Variants in NXN observed in about 807,000 individuals in gnomAD.
NXN encodes the protein nucleoredoxin.
In NXN, 16 loss-of-function variants were observed where a neutral mutation model predicts 48.6. The observed-to-expected ratio is 0.33, with a 90% CI of 0.22 to 0.50. NXN has a LOEUF of 0.50. NXN is among the 20% of genes least tolerant of loss of function. The probability of loss-of-function intolerance (pLI) is 0.98; values close to 1 mark genes in which losing one functional copy is unlikely to be tolerated. For synonymous variants in NXN, 281 were observed against 269.6 expected (o/e 1.04, Z -0.41); for missense variants, 492 against 605.5 (o/e 0.81, Z 1.97).
chr17:863,795 A>G, intron 1 of NXN: 4 of 673,978 alleles, frequency 5.9e-6, no homozygotes, highest in Non-Finnish European at 7.6e-6. Flanking sequence ...TCTGGTTGAA[A>G]AAAGTCCACA....
intron 1 of NXN, among the ~76,000 whole-genome samples, chr17:894,863 C>T (rs1184521878): frequency 2.0e-5 from 3 of 152,122 alleles, no homozygotes; most frequent in Admixed American, 6.5e-5. Context: ...ACTTTAAATC[C>T]ACTTGGCTTC....
intron 1 of NXN, among the ~76,000 whole-genome samples, chr17:838,293 G>A (rs374019376): frequency 5.9e-5 from 9 of 151,734 alleles, no homozygotes; most frequent in Admixed American, 2.0e-4. Context: ...CACCACACCC[G>A]GCTCATTTTC....
chr17:979,288 G>GGCAGGGGTAACGGGCGTGGGGGGCGT, intron 1 of NXN, 31 bp downstream of exon 1: 2 of 1,435,800 alleles, frequency 1.4e-6, no homozygotes, highest in Non-Finnish European at 1.8e-6. Context: ...GTGGGGGGCG[G>GGCAGGGGTAACGGGCGTGGGGGGCGT]GCAGGGGCCG....
intron 1 of NXN, among the ~76,000 whole-genome samples, chr17:967,666 C>T (rs2069322613): frequency 7.9e-5 from 12 of 152,190 alleles, no homozygotes; most frequent in Admixed American, 7.9e-4. Flanking sequence ...AGGGATACAG[C>T]TACCAAATGT....
intron 1 of NXN, among the ~76,000 whole-genome samples, chr17:944,226 C>T (rs1343976637): frequency 1.3e-5 from 2 of 152,102 alleles, no homozygotes; most frequent in African/African-American, 4.8e-5. Flanking sequence ...AAAACAAGAG[C>T]GAAACTCCAT....
At chr17:927,718 C>T (rs865974325) in intron 1 of NXN, among the ~76,000 whole-genome samples, 11 of 151,960 alleles carry the variant, frequency 7.2e-5, no homozygotes, top group Non-Finnish European at 1.5e-4. Context: ...AGGCATACTC[C>T]GTGGGAGACG....
Position 825,221 on chromosome 17 carries a change from GAAA to G in NXN, c.478+737_478+739del, listed in dbSNP as rs34471469. Among the ~76,000 whole-genome samples, 340 of 120,942 alleles carry G rather than the reference GAAA, an allele frequency of 2.8e-3. 1 individual carries two copies. Among genetic ancestry groups the G allele is most frequent in the Non-Finnish European group, 3.4e-3 (188 of 54,956 alleles). The allele number at this position is 120,942 out of a possible 152,430, so 79.3% of individuals were successfully genotyped here. ...GACAGAGGGAGATAGTGTCTCAAGA[GAAA>G]AAAAAAAAAAAAAAAGAAAAGCTTC... On this transcript the variant is annotated intron_variant, in intron 2 of 7. Transcript: ENST00000336868. The surrounding 1 kb of genome is among the most constrained non-coding windows in gnomAD (Gnocchi z 4.1).
At chr17:909,895 A>T (rs990001951) in intron 1 of NXN, 1 of 152,144 alleles carries the variant, frequency 6.6e-6, no homozygotes, top group African/African-American at 2.4e-5. Context: ...CTAACGGAAA[A>T]CAGCGCGTGA....
chr17:834,304 G>A (rs118015063), intron 1 of NXN, among the ~76,000 whole-genome samples: 3,328 of 152,248 alleles, frequency 0.022, 50 homozygotes, highest in Admixed American at 0.033. Flanking sequence ...CATGAGTGAC[G>A]GGGCAAGACC....
At chr17:903,207 T>G (rs1266071298) in intron 1 of NXN, among the ~76,000 whole-genome samples, 4 of 152,028 alleles carry the variant, frequency 2.6e-5, no homozygotes, top group Admixed American at 2.6e-4. Context: ...GTTTTTTTGT[T>G]TTTTTGTTTT....
chr17:872,610 GATC>G (rs1567842841), intron 1 of NXN, among the ~76,000 whole-genome samples: 1 of 131,030 alleles, frequency 7.6e-6, no homozygotes, highest in Non-Finnish European at 1.6e-5. Flanking sequence ...TTCCGGGTGA[GATC>G]TTTTTTTTTT....
chr17:828,263 C>G (rs761914554), intron 1 of NXN, among the ~76,000 whole-genome samples: 1 of 151,722 alleles, frequency 6.6e-6, no homozygotes, highest in African/African-American at 2.4e-5. Context: ...CCTACCACAC[C>G]CGGCTAGTTT....
chr17:864,987 TGGATCTC>T (rs1186629993), intron 1 of NXN, among the ~76,000 whole-genome samples: 3 of 152,180 alleles, frequency 2.0e-5, no homozygotes, highest in African/African-American at 7.2e-5. Context: ...GTCAGGCTCC[TGGATCTC>T]GGAACTAGAA....
intron 1 of NXN, among the ~76,000 whole-genome samples, chr17:896,021 C>A (rs2068480524): frequency 6.6e-6 from 1 of 151,788 alleles, no homozygotes; most frequent in Non-Finnish European, 1.5e-5. Context: ...CCAGCCTGGG[C>A]AACAGAGCAA....
chr17:821,730 G>A lies in NXN; in HGVS notation c.713+627C>T, dbSNP rs371085409. On this transcript the variant is annotated intron_variant, in intron 4 of 7. Coordinates refer to ENST00000336868, the MANE Select transcript of NXN (RefSeq NM_022463.5). ...CGCACCACTGCACCCCAGCCTGGGC[G>A]ACAGAGCGAGACTCCGTCTCAAAAA... Among the ~76,000 whole-genome samples, 23 of 145,610 alleles carry A rather than the reference G, an allele frequency of 1.6e-4. No homozygotes were observed. The East Asian group carries it at 3.1e-3, about 20-fold the overall frequency.
At chr17:947,531 G>A (rs1413364725) in intron 1 of NXN, among the ~76,000 whole-genome samples, 1 of 151,570 alleles carries the variant, frequency 6.6e-6, no homozygotes, top group African/African-American at 2.4e-5. Flanking sequence ...CCAGGAGTTC[G>A]AGACCAGCCT....
At chr17:815,675 G>A (rs185844989) in intron 5 of NXN, among the ~76,000 whole-genome samples, 15 of 151,726 alleles carry the variant, frequency 9.9e-5, no homozygotes, top group East Asian at 3.9e-4. Flanking sequence ...ACATCCATCC[G>A]TACAATGAGG....
At chr17:853,723 A>ATATATTTT (rs1491528474) in intron 1 of NXN, among the ~76,000 whole-genome samples, 94 of 105,966 alleles carry the variant, frequency 8.9e-4, no homozygotes, top group African/African-American at 3.5e-3. Context: ...ATATATATAT[A>ATATATTTT]TTTTTTTTTT....
At chr17:808,585 A>G (rs997586260) in intron 5 of NXN, among the ~76,000 whole-genome samples, 1 of 151,270 alleles carries the variant, frequency 6.6e-6, no homozygotes, top group African/African-American at 2.4e-5. Context: ...GTGAACCACC[A>G]TGCCCGGCCA....
Sources: allele counts gnomAD v4.1 joint callset (sites outside exome capture counted in the v4.1 genomes callset), GRCh38; gene constraint gnomAD v4.1.1; non-coding constraint Gnocchi (gnomAD v3.1); transcripts MANE v1.5; gene names NCBI Gene and HGNC (gene_info 2026-07-23, HGNC 2026-07-21).